NAV2: variants seen among roughly 807,000 people sequenced by gnomAD.
NAV2 encodes helicase, APC down-regulated 1.
In NAV2, 54 loss-of-function variants were observed where a neutral mutation model predicts 223.2. The ratio of observed to expected loss-of-function variants is 0.24; its 90% CI spans 0.19 to 0.30. The LOEUF is 0.30. Ranked by LOEUF, NAV2 falls within the 10% of genes least tolerant of loss-of-function variation. The pLI is 1.00. For missense variants in NAV2, 2,806 were observed against 3,147.5 expected (o/e 0.89, Z 2.60); for synonymous variants, 1,279 against 1,239.3 (o/e 1.03, Z -0.67).
At chr11:19,600,294 C>A (rs1590648599) in intron 1 of NAV2, among the ~76,000 whole-genome samples, 1 of 152,206 alleles carries the variant, frequency 6.6e-6, no homozygotes, top group African/African-American at 2.4e-5. Flanking sequence ...GCACAAGAAT[C>A]TCTCAGAGAC....
At chr11:19,614,127 C>A (rs2046721826) in intron 1 of NAV2, among the ~76,000 whole-genome samples, 2 of 152,038 alleles carry the variant, frequency 1.3e-5, no homozygotes, top group Non-Finnish European at 2.9e-5. Flanking sequence ...GTCTCTGGTG[C>A]AGAAGGCCTT....
chr11:19,935,862 T>G (rs1268739605), intron 7 of NAV2, among the ~76,000 whole-genome samples: 2 of 112,910 alleles, frequency 1.8e-5, no homozygotes, highest in African/African-American at 6.4e-5. Context: ...TTTTTTTTTT[T>G]TTTTTTTTTT....
intron 10 of NAV2, among the ~76,000 whole-genome samples, chr11:19,976,670 C>T (rs1483717818): frequency 1.3e-5 from 2 of 152,224 alleles, no homozygotes; most frequent in Non-Finnish European, 2.9e-5. Context: ...TTCACTTCTG[C>T]AGCAGCCTTG....
chr11:19,914,458 C>T (rs968270522), intron 6 of NAV2, among the ~76,000 whole-genome samples: 3 of 152,150 alleles, frequency 2.0e-5, no homozygotes, highest in African/African-American at 7.2e-5. Flanking sequence ...GCATTGTGGA[C>T]TATTCCTGAA....
At chr11:19,699,827 A>G (rs1257440052) in intron 1 of NAV2, among the ~76,000 whole-genome samples, 12 of 152,184 alleles carry the variant, frequency 7.9e-5, no homozygotes, top group Non-Finnish European at 5.9e-5. Flanking sequence ...CAAAACTGCA[A>G]GTAAAGTGTC....
chr11:19,933,127 G>T lies in NAV2; in HGVS notation c.932-49G>T. The stretch of plus-strand genomic sequence containing the variant: ...CATGGCTGACCCTCCCTGGTCTTCA[G>T]TGCAGGTCAACAAGTATGATTCAGG... On this transcript the variant is annotated intron_variant, in intron 6 of 37. Coordinates refer to ENST00000349880, the MANE Select transcript of NAV2 (RefSeq NM_145117.5). This position sits in a 1 kb window ranked among gnomAD's most constrained non-coding sequence, Gnocchi z 4.3. 6.8e-7 allele frequency: 1 copy of T among 1,480,914 alleles called. No homozygotes were observed. Among genetic ancestry groups the T allele is most frequent in the Non-Finnish European group, 9.0e-7 (1 of 1,113,430 alleles). The allele number at this position is 1,480,914 out of a possible 1,614,324, so 91.7% of individuals were successfully genotyped here.
chr11:19,752,437 A>G (rs2053907368), intron 1 of NAV2, among the ~76,000 whole-genome samples: 1 of 152,228 alleles, frequency 6.6e-6, no homozygotes, highest in Non-Finnish European at 1.5e-5. Flanking sequence ...AAAATCTTAT[A>G]GAAAATGTCA....
chr11:19,345,817 C>T (rs1852975740), upstream of NAV2, among the ~76,000 whole-genome samples: 1 of 152,172 alleles, frequency 6.6e-6, no homozygotes, highest in Non-Finnish European at 1.5e-5. This position sits in a 1 kb window ranked among gnomAD's most constrained non-coding sequence, Gnocchi z 5.2. Context: ...GGCTGTGCCA[C>T]CTCCTGTGCT....
chr11:19,847,496 C>T (rs374165595), intron 3 of NAV2, among the ~76,000 whole-genome samples: 28 of 152,244 alleles, frequency 1.8e-4, no homozygotes, highest in African/African-American at 4.8e-4. Context: ...TGCATCTAGA[C>T]GGAGGGCCAG....
At chr11:20,001,722 G>A (rs2052570934) in intron 11 of NAV2, among the ~76,000 whole-genome samples, 1 of 139,976 alleles carries the variant, frequency 7.1e-6, no homozygotes, top group Non-Finnish European at 1.6e-5. Flanking sequence ...GGGGGAGGGG[G>A]GACGGAAAGC....
chr11:19,661,852 TAAG>T (rs1205747537), intron 1 of NAV2, among the ~76,000 whole-genome samples: 2 of 152,206 alleles, frequency 1.3e-5, no homozygotes, highest in Non-Finnish European at 2.9e-5. Context: ...AGGAAACTAA[TAAG>T]AAGACTAATT....
chr11:19,977,655 A>G (rs957006356), intron 10 of NAV2, among the ~76,000 whole-genome samples: 15 of 152,168 alleles, frequency 9.9e-5, no homozygotes, highest in African/African-American at 3.4e-4. Flanking sequence ...GTATTCACTA[A>G]ATTTTAGTGC....
At chr11:19,483,943 A>AT (rs1037110724) in intron 1 of NAV2, among the ~76,000 whole-genome samples, 1 of 152,132 alleles carries the variant, frequency 6.6e-6, no homozygotes, top group African/African-American at 2.4e-5. Flanking sequence ...TAGAACCCAA[A>AT]TTTTAACTCA....
chr11:19,972,382 G>A (rs1182959719), intron 10 of NAV2, among the ~76,000 whole-genome samples: 4 of 152,146 alleles, frequency 2.6e-5, no homozygotes, highest in African/African-American at 9.7e-5. Context: ...GCTAATTTGA[G>A]CATCCGATAG....
chr11:19,689,431 A>G (rs2049106620), intron 1 of NAV2, among the ~76,000 whole-genome samples: 1 of 152,256 alleles, frequency 6.6e-6, no homozygotes, highest in African/African-American at 2.4e-5. Flanking sequence ...AACAGGACTC[A>G]GGGCAAAGAC....
intron 1 of NAV2, among the ~76,000 whole-genome samples, chr11:19,789,639 GTTA>G (rs1270038954): frequency 6.6e-6 from 1 of 152,204 alleles, no homozygotes; most frequent in African/African-American, 2.4e-5. Context: ...AATGAAATCA[GTTA>G]TCAGGTCTTG....
intron 11 of NAV2, among the ~76,000 whole-genome samples, chr11:19,994,797 G>T (rs887932806): frequency 1.3e-5 from 2 of 152,106 alleles, no homozygotes; most frequent in Admixed American, 1.3e-4. Flanking sequence ...TTTTCCCAGG[G>T]CTGTCTCTCC....
intron 27 of NAV2, among the ~76,000 whole-genome samples, chr11:20,091,412 C>T (rs2060841939): frequency 6.6e-6 from 1 of 152,178 alleles, no homozygotes; most frequent in Non-Finnish European, 1.5e-5. Flanking sequence ...GGAAATTCCT[C>T]TTTCATATTG....
At chr11:19,684,657 C>T (rs1339671369) in intron 1 of NAV2, among the ~76,000 whole-genome samples, 1 of 152,056 alleles carries the variant, frequency 6.6e-6, no homozygotes, top group African/African-American at 2.4e-5. Flanking sequence ...TCACTCAAGG[C>T]CCCCCCACAC....
Sources: allele counts gnomAD v4.1 joint callset (sites outside exome capture counted in the v4.1 genomes callset), GRCh38; gene constraint gnomAD v4.1.1; non-coding constraint Gnocchi (gnomAD v3.1); transcripts MANE v1.5; gene names NCBI Gene and HGNC (gene_info 2026-07-23, HGNC 2026-07-21).